The following ZNF670 variants were observed in gnomAD, a reference collection of about 807,000 sequenced individuals.
ZNF670 encodes the protein zinc finger protein 670.
ZNF670 carries 7 observed loss-of-function variants against 10.9 expected under a neutral mutation model. The observed-to-expected ratio is 0.64, with a 90% CI of 0.36 to 1.20. ZNF670 has a LOEUF of 1.20. ZNF670 is among the 50% of genes most tolerant of loss of function. The pLI is 0.02. For missense variants in ZNF670, 446 were observed against 458.6 expected (o/e 0.97, Z 0.25); for synonymous variants, 136 against 152.7 (o/e 0.89, Z 0.81).
Position 247,038,267 on chromosome 1 carries a change from G to A in ZNF670, c.352C>T (p.Leu118Phe), listed in dbSNP as rs141495513. 1.4e-5 allele frequency: 23 copies of A among 1,614,048 alleles called. No homozygotes were observed. Among genetic ancestry groups the A allele is most frequent in the Non-Finnish European group, 1.9e-5 (22 of 1,180,032 alleles). Reference protein sequence around the residue: ...CGKVFICHSALHRHILSHIGN... With the variant: ...CGKVFICHSAFHRHILSHIGN... ...ATGTGAGACAGGATGTGCCTATGAA[G>A]GGCTGAATGACATATGAAGACTTTT... The change falls in exon 4 of 4, where the codon CTT becomes TTT. Residue 118 changes from leucine (L) to phenylalanine (F), a missense_variant. By Grantham distance (22) the Leu-to-Phe change is conservative (BLOSUM62 0). Transcript: ENST00000366503.
intron 1 of ZNF670, among the ~76,000 whole-genome samples, chr1:247,064,576 T>C (rs1377728055): frequency 6.6e-6 from 1 of 152,246 alleles, no homozygotes; most frequent in Non-Finnish European, 1.5e-5. Context: ...CCACAGGGCC[T>C]TTCTGCCTTT....
intron 1 of ZNF670, among the ~76,000 whole-genome samples, chr1:247,066,371 G>A (rs918096293): frequency 3.9e-5 from 6 of 152,178 alleles, no homozygotes; most frequent in Non-Finnish European, 5.9e-5. Flanking sequence ...TCCTAGCTGC[G>A]GGAGATCCTA....
Position 247,039,554 on chromosome 1 carries a change from A to G in ZNF670, c.4-17T>C, listed in dbSNP as rs759357210. Reference sequence around the variant, plus strand: ...CACTGAATCCTAGAATATCGCACATATGTGGAGAGGAGGATGGCTTAGACA... The same window carrying G: ...CACTGAATCCTAGAATATCGCACATGTGTGGAGAGGAGGATGGCTTAGACA... On this transcript the variant is annotated splice_polypyrimidine_tract_variant and intron_variant, in intron 1 of 3. Transcript: ENST00000366503. 3 of 1,560,380 alleles carry G rather than the reference A, an allele frequency of 1.9e-6. No homozygotes were observed. The highest frequency in any genetic ancestry group is 8.6e-7 in the Non-Finnish European group (1 of 1,158,134).
rs1025173859 is a variant in ZNF670 at position 247,067,154 on chromosome 1, G to A, written c.3+11440C>T. ...TCCTAAATTGATTAAGACTTGTCTC[G>A]GCCAGGCGCGGTGGCTCATGCCTGT... On this transcript the variant is annotated intron_variant, in intron 1 of 3. Coordinates refer to ENST00000366503, the MANE Select transcript of ZNF670 (RefSeq NM_033213.5). Among the ~76,000 whole-genome samples the A allele has an allele frequency of 5.1e-4, 78 of 152,152 alleles. 1 individual carries two copies. The highest frequency in any genetic ancestry group is 3.4e-3 in the Middle Eastern group (1 of 294).
intron 1 of ZNF670, among the ~76,000 whole-genome samples, chr1:247,071,455 C>G (rs569214096): frequency 1.9e-4 from 29 of 152,320 alleles, no homozygotes; most frequent in African/African-American, 7.0e-4. Flanking sequence ...TAAATAAACA[C>G]TGGTCATACT....
chr1:247,052,529 T>C (rs1301623259), intron 1 of ZNF670, among the ~76,000 whole-genome samples: 1 of 152,138 alleles, frequency 6.6e-6, no homozygotes, highest in African/African-American at 2.4e-5. Flanking sequence ...TCCTTGCTTG[T>C]AGTTTTTTGG....
intron 1 of ZNF670, among the ~76,000 whole-genome samples, chr1:247,045,078 A>G (rs1670407474): frequency 6.6e-6 from 1 of 152,222 alleles, no homozygotes; most frequent in African/African-American, 2.4e-5. Context: ...CAAATTAGAG[A>G]GACAGAGAGG....
chr1:247,055,526 T>G (rs1421027132), intron 1 of ZNF670, among the ~76,000 whole-genome samples: 4 of 152,166 alleles, frequency 2.6e-5, no homozygotes, highest in African/African-American at 9.7e-5. Flanking sequence ...TTATTAAACT[T>G]TCACCCCAAT....
At chr1:247,064,312 G>C (rs978033345) in intron 1 of ZNF670, among the ~76,000 whole-genome samples, 1 of 152,192 alleles carries the variant, frequency 6.6e-6, no homozygotes, top group East Asian at 1.9e-4. Flanking sequence ...TAAGACAAAG[G>C]CTCTGCTGAA....
In ZNF670 at chr1:247,045,052, G is replaced by T. The variant is rs79066078; in HGVS notation, c.4-5515C>A. On this transcript the variant is annotated intron_variant, in intron 1 of 3. Transcript: ENST00000366503. ...TAACCATTAAAGAACTGAGTTCCCA[G>T]TAAAAACTACCAAACCAAATTAGAG... Among the ~76,000 whole-genome samples the T allele has an allele frequency of 3.1e-3, 472 of 152,202 alleles. 2 individuals carry two copies. The highest frequency in any genetic ancestry group is 9.5e-3 in the African/African-American group (394 of 41,538).
In ZNF670 at chr1:247,038,293, C is replaced by CCA. The variant is rs770251198; in HGVS notation, c.324_325dup (p.Gly109ValfsTer54). The CCA allele has an allele frequency of 2.4e-5, 39 of 1,614,154 alleles. No homozygotes were observed. Among genetic ancestry groups the CCA allele is most frequent in the Non-Finnish European group, 2.6e-5 (31 of 1,180,004 alleles). On this transcript the variant is annotated frameshift_variant, in exon 4 of 4. Transcript: ENST00000366503. LOFTEE classifies it low-confidence loss of function (END_TRUNC). Reference sequence around the variant, plus strand: ...GGCTGAATGACATATGAAGACTTTTCCACACACACTGCATTCACATGGCTT... The same window carrying CCA: ...GGCTGAATGACATATGAAGACTTTTCCACACACACACTGCATTCACATGGCTT...
At chr1:247,057,085 T>G (rs777053213) in intron 1 of ZNF670, among the ~76,000 whole-genome samples, 1 of 152,090 alleles carries the variant, frequency 6.6e-6, no homozygotes, top group Admixed American at 6.6e-5. Context: ...AAGAAAATAT[T>G]TGCAAACTAC....
chr1:247,050,924 T>C (rs528518065), intron 1 of ZNF670, among the ~76,000 whole-genome samples: 4 of 152,280 alleles, frequency 2.6e-5, no homozygotes, highest in African/African-American at 9.6e-5. Flanking sequence ...TTCTTTTTTT[T>C]CATTGTGTTA....
At chr1:247,057,218 G>C (rs1333330636) in intron 1 of ZNF670, among the ~76,000 whole-genome samples, 1 of 152,102 alleles carries the variant, frequency 6.6e-6, no homozygotes, top group East Asian at 1.9e-4. Flanking sequence ...CTCAAAAGAA[G>C]ACATACAAAT....
intron 1 of ZNF670, among the ~76,000 whole-genome samples, chr1:247,065,481 G>A (rs1670959860): frequency 6.6e-6 from 1 of 152,026 alleles, no homozygotes; most frequent in African/African-American, 2.4e-5. Flanking sequence ...AGAATGACAA[G>A]TTCAATTCTA....
chr1:247,075,912 G>A (rs558547253), intron 1 of ZNF670, among the ~76,000 whole-genome samples: 30 of 151,968 alleles, frequency 2.0e-4, no homozygotes. Context: ...GGAAGAAAAA[G>A]GTTAACAAGA....
At chr1:247,043,745 C>T in intron 1 of ZNF670, 2 of 406,374 alleles carry the variant, frequency 4.9e-6, no homozygotes, top group South Asian at 2.0e-5. Context: ...AGCGTTCATC[C>T]TAAAACAGGT....
chr1:247,060,015 T>C lies in ZNF670; in HGVS notation c.3+18579A>G, dbSNP rs538500147. Among the ~76,000 whole-genome samples the C allele has an allele frequency of 1.7e-4, 26 of 152,300 alleles. No individual in the cohort carries two copies. In the South Asian group the frequency reaches 5.4e-3, roughly 32 times the overall value. On this transcript the variant is annotated intron_variant, in intron 1 of 3. Transcript: ENST00000366503. ...TAAATGGAGAGATATTCCACGTCCA[T>C]GAATAGGCAGCCTCAATATTGCTAA...
At position 247,037,338 on chromosome 1, in the gene ZNF670, TTCTC is replaced by T; in HGVS notation, c.*107_*110del. 1.5e-6 allele frequency: 2 copies of T among 1,316,648 alleles called. No homozygotes were observed. The highest frequency in any genetic ancestry group is 2.0e-6 in the Non-Finnish European group (2 of 982,714). 81.6% of individuals were successfully genotyped at this position (1,316,648 alleles called of 1,614,324 possible). A position where few individuals can be genotyped will look rare whatever the true frequency, so the allele number is the denominator to read the frequency against. On this transcript the variant is annotated 3_prime_UTR_variant, in exon 4 of 4. Transcript: ENST00000366503. ...CTAATCTTCCTTACATGTGTTGGGT[TTCTC>T]TCTAATTTGAGTTTTTAATTTTTTC... is the stretch of plus-strand genomic sequence containing the variant.
Sources: allele counts gnomAD v4.1 joint callset (sites outside exome capture counted in the v4.1 genomes callset), GRCh38; gene constraint gnomAD v4.1.1; transcripts MANE v1.5; gene names NCBI Gene and HGNC (gene_info 2026-07-23, HGNC 2026-07-21).